The following PCDHA4 variants were observed in gnomAD, a reference collection of about 807,000 sequenced individuals.
PCDHA4 encodes the protein protocadherin alpha 4, also known as protocadherin alpha-4.
Under a neutral mutation model 61.4 loss-of-function variants are expected in PCDHA4, and 49 were observed. The ratio of observed to expected loss-of-function variants is 0.80; its 90% CI spans 0.63 to 1.01. PCDHA4 has a LOEUF of 1.01. Ranked by LOEUF, PCDHA4 falls within the 50% of genes least tolerant of loss-of-function variation. PCDHA4 has a pLI of 0.00. For missense variants in PCDHA4, 1,254 were observed against 1,235.8 expected, an observed-to-expected ratio of 1.01 and a Z score of -0.22; for synonymous variants, 590 against 550.3, an observed-to-expected ratio of 1.07 and a Z score of -1.01.
Position 140,841,763 on chromosome 5 carries a change from C to T in PCDHA4, c.2385+32191C>T. The T allele has an allele frequency of 1.9e-6, 3 of 1,613,884 alleles. No individual in the cohort carries two copies. The highest frequency in any genetic ancestry group is 1.3e-5 in the African/African-American group (1 of 74,976). ...GCTGTTTGTTTCAGAATCCAGAATG[C>T]CAGACTCTCGGTTTCCGCTAGAGGG... On this transcript the variant is annotated intron_variant, in intron 1 of 3. Transcript: ENST00000530339.
At chr5:140,888,994 T>G (rs1486471421) in intron 1 of PCDHA4, among the ~76,000 whole-genome samples, 1 of 152,272 alleles carries the variant, frequency 6.6e-6, no homozygotes, top group African/African-American at 2.4e-5. Context: ...TATGATTTTC[T>G]TATGGCAAAC....
At chr5:140,869,861 AAAATGCTGCT>A in intron 1 of PCDHA4, 1 of 1,610,746 alleles carries the variant, frequency 6.2e-7, no homozygotes, top group Admixed American at 1.7e-5. Flanking sequence ...AGCCTTATGG[AAAATGCTGCT>A]AAAGAAACTC....
At chr5:140,975,750 CTA>C (rs2096680444) in intron 1 of PCDHA4, among the ~76,000 whole-genome samples, 2 of 152,118 alleles carry the variant, frequency 1.3e-5, no homozygotes, top group African/African-American at 4.8e-5. Flanking sequence ...CTCAAATATT[CTA>C]TGTCATAAAT....
chr5:140,836,399 C>T (rs2150259749), intron 1 of PCDHA4: 3 of 1,613,764 alleles, frequency 1.9e-6, no homozygotes, highest in Admixed American at 3.3e-5. Flanking sequence ...TGGTGGAAAG[C>T]GGCCAGGCAC....
rs781852534 is a variant in PCDHA4, at chr5:140,982,552, G to T, written c.2522G>T (p.Ser841Ile). 1 of 1,614,168 alleles carries T rather than the reference G, an allele frequency of 6.2e-7. No individual in the cohort carries two copies. The highest frequency in any genetic ancestry group is 2.2e-5 in the East Asian group (1 of 44,892). ...GATCAGCAGTGGCCAACAGTATCCAGTGCAACACCAGGTAAAGAGCTGGGG... is the reference window on the plus strand; with the variant it reads ...GATCAGCAGTGGCCAACAGTATCCATTGCAACACCAGGTAAAGAGCTGGGG... The part of the protein sequence containing the change: ...GPDQQWPTVS[S>I]ATPEPEAGEV... Residue 841 changes from serine (S) to isoleucine (I), a missense_variant, in exon 3 of 4, where the codon AGT (serine) becomes ATT (isoleucine). Physicochemically the swap from Ser to Ile is moderately radical, Grantham distance 142. Coordinates refer to ENST00000530339, the MANE Select transcript of PCDHA4 (RefSeq NM_018907.4).
chr5:140,979,145 G>A, intron 2 of PCDHA4, 138 bp downstream of exon 2: 1 of 1,447,220 alleles, frequency 6.9e-7, no homozygotes, highest in Non-Finnish European at 9.1e-7. Context: ...CAATTATTTT[G>A]TCCCCATGTT....
chr5:140,851,444 A>G (rs1182271875), intron 1 of PCDHA4: 1 of 917,790 alleles, frequency 1.1e-6, no homozygotes, highest in Non-Finnish European at 1.3e-6. Context: ...CAGTTGCTCC[A>G]CTTTAGGAAT....
chr5:140,980,015 G>A (rs1164072132), intron 2 of PCDHA4, among the ~76,000 whole-genome samples: 2 of 152,192 alleles, frequency 1.3e-5, no homozygotes, highest in East Asian at 3.9e-4. Flanking sequence ...CATTACAAAT[G>A]AGCAGAAATC....
At chr5:140,946,868 T>C (rs1468330981) in intron 1 of PCDHA4, among the ~76,000 whole-genome samples, 1 of 151,412 alleles carries the variant, frequency 6.6e-6, no homozygotes, top group Admixed American at 6.6e-5. Context: ...GAGAGGTTGG[T>C]CAATGGGTAC....
intron 1 of PCDHA4, among the ~76,000 whole-genome samples, chr5:140,880,028 G>A (rs577776398): frequency 1.2e-4 from 19 of 152,308 alleles, no homozygotes; most frequent in African/African-American, 4.6e-4. Flanking sequence ...AAATCCACAA[G>A]TTCCAGGGAT....
intron 1 of PCDHA4, among the ~76,000 whole-genome samples, chr5:140,899,649 G>T (rs1405894081): frequency 6.6e-6 from 1 of 152,130 alleles, no homozygotes; most frequent in Non-Finnish European, 1.5e-5. Flanking sequence ...CTCTTATTTG[G>T]TTGTGTCTCT....
At position 140,862,713 on chromosome 5, in the gene PCDHA4, C is replaced by A. The variant is rs573467283; in HGVS notation, c.2385+53141C>A. 517 of 561,852 alleles carry A rather than the reference C, an allele frequency of 9.2e-4. 1 individual carries two copies. The highest frequency in any genetic ancestry group is 1.7e-3 in the Non-Finnish European group (476 of 284,834). 34.8% of individuals were successfully genotyped at this position (561,852 alleles called of 1,614,324 possible). ...ACTCGTTGATGGAACAGCGGGTGGG[C>A]GAGTGCGCGCTGTCTAGCTATGTGT... On this transcript the variant is annotated intron_variant, in intron 1 of 3. Transcript: ENST00000530339.
intron 1 of PCDHA4, among the ~76,000 whole-genome samples, chr5:140,899,719 C>A (rs2067514429): frequency 6.6e-6 from 1 of 152,198 alleles, no homozygotes; most frequent in Non-Finnish European, 1.5e-5. Flanking sequence ...AGGATTCCCT[C>A]TTTTTCTATT....
intron 1 of PCDHA4, chr5:140,821,814 C>T (rs139136006): frequency 5.7e-5 from 92 of 1,613,758 alleles, no homozygotes; most frequent in Non-Finnish European, 6.7e-5. Flanking sequence ...GATCCCGGCT[C>T]CTGCTGCTCT....
intron 1 of PCDHA4, among the ~76,000 whole-genome samples, chr5:140,892,933 T>C (rs1323780846): frequency 6.6e-6 from 1 of 152,210 alleles, no homozygotes; most frequent in Non-Finnish European, 1.5e-5. Context: ...CAGCCTCTGA[T>C]AAGCACAATA....
chr5:140,926,835 T>C (rs2083586569), intron 1 of PCDHA4: 4 of 1,505,630 alleles, frequency 2.7e-6, no homozygotes, highest in East Asian at 2.3e-5. Context: ...GTCCGGAGCA[T>C]GGTCCTGGGT....
Position 140,809,041 on chromosome 5 carries a change from G to A in PCDHA4, c.1854G>A (p.Ala618=), listed in dbSNP as rs185992398. ...SYELQPGTGG[A]RIPFRVGLYT... is the part of the protein sequence containing the mutation. Reference sequence around the variant, plus strand: ...AGCTGCAGCCGGGGACTGGTGGCGCGCGCATCCCGTTCCGCGTGGGGCTGT... The same window carrying A: ...AGCTGCAGCCGGGGACTGGTGGCGCACGCATCCCGTTCCGCGTGGGGCTGT... Residue 618 remains alanine, a synonymous_variant, in exon 1 of 4, where the codon GCG becomes GCA. Coordinates refer to ENST00000530339, the MANE Select transcript of PCDHA4 (RefSeq NM_018907.4). The A allele has an allele frequency of 2.4e-5, 38 of 1,613,844 alleles. No individual in the cohort carries two copies. The highest frequency in any genetic ancestry group is 3.1e-5 in the Non-Finnish European group (36 of 1,179,880).
At chr5:140,928,082 T>A (rs1387313022) in intron 1 of PCDHA4, 4 of 1,614,094 alleles carry the variant, frequency 2.5e-6, no homozygotes, top group Admixed American at 3.3e-5. Context: ...TACTACAGCC[T>A]GCTGATTGAT....
intron 1 of PCDHA4, among the ~76,000 whole-genome samples, chr5:140,904,268 A>G (rs989389819): frequency 1.3e-5 from 2 of 152,004 alleles, no homozygotes; most frequent in African/African-American, 4.8e-5. Context: ...CCACTTATGA[A>G]TGAGAACATG....
Sources: gnomAD v4.1 joint callset for allele counts (sites outside exome capture counted in the v4.1 genomes callset) on GRCh38, gnomAD v4.1.1 for gene constraint, MANE v1.5 for transcripts, NCBI Gene and HGNC (gene_info 2026-07-23, HGNC 2026-07-21) for gene names.